HDAC9: variants seen among roughly 807,000 people sequenced by gnomAD.
HDAC9 encodes MEF-2 interacting transcription repressor (MITR) protein.
A neutral mutation model predicts 139.4 loss-of-function variants in HDAC9; 41 were observed. That is an observed-to-expected ratio of 0.29 (90% CI 0.23 to 0.38). The LOEUF is 0.38. Among genes scored for constraint, HDAC9 ranks in the 10% least tolerant of loss-of-function variants. HDAC9 has a pLI of 1.00. For missense variants in HDAC9, 1,147 were observed against 1,297.0 expected (o/e 0.88, Z 1.78); for synonymous variants, 517 against 476.2 (o/e 1.09, Z -1.12).
At chr7:18,092,585 C>T (rs1227793405) in intron 1 of HDAC9, among the ~76,000 whole-genome samples, 1 of 151,966 alleles carries the variant, frequency 6.6e-6, no homozygotes, top group Non-Finnish European at 1.5e-5. Flanking sequence ...AGAGGATTCT[C>T]CACATATAAT....
At chr7:18,894,459 C>G (rs73322104) in intron 22 of HDAC9, among the ~76,000 whole-genome samples, 3,051 of 152,116 alleles carry the variant, frequency 0.02, 106 homozygotes, top group African/African-American at 0.07. Flanking sequence ...ATCAAATGTC[C>G]TTAAAGGGTC....
chr7:18,705,305 T>A (rs1584880338), intron 12 of HDAC9, among the ~76,000 whole-genome samples: 1 of 152,156 alleles, frequency 6.6e-6, no homozygotes, highest in African/African-American at 2.4e-5. Context: ...TCCTCCTTAC[T>A]AAGTGCTAGT....
chr7:18,544,555 A>G (rs1205838390), intron 2 of HDAC9, among the ~76,000 whole-genome samples: 4 of 152,206 alleles, frequency 2.6e-5, no homozygotes, highest in African/African-American at 4.8e-5. Context: ...CATGCCTACC[A>G]GGGCTGTGAG....
chr7:18,319,248 AG>A (rs1423299463), intron 1 of HDAC9, among the ~76,000 whole-genome samples: 2 of 152,244 alleles, frequency 1.3e-5, no homozygotes, highest in Middle Eastern at 3.2e-3. Context: ...TTTGGGGTTC[AG>A]TAAAACTTTC....
chr7:18,791,002 T>G (rs2129177667), intron 16 of HDAC9, among the ~76,000 whole-genome samples: 1 of 152,282 alleles, frequency 6.6e-6, no homozygotes, highest in Non-Finnish European at 1.5e-5. Flanking sequence ...GACACCAAAA[T>G]TAATGTCACA....
At chr7:18,371,467 C>A (rs1311593851) in intron 1 of HDAC9, among the ~76,000 whole-genome samples, 1 of 152,126 alleles carries the variant, frequency 6.6e-6, no homozygotes, top group Non-Finnish European at 1.5e-5. Flanking sequence ...TTTTATCTCA[C>A]TGATTCTAAC....
At position 18,233,230 on chromosome 7, in the gene HDAC9, A is replaced by G. The variant is rs116493139; in HGVS notation, c.25+70881A>G. On this transcript the variant is annotated intron_variant, in intron 2 of 12. Transcript: ENST00000417496. ...ACAGTGTCTAATAATTTGAGATGAA[A>G]TTCTAATTATTTTAATGAGATTTTT... Among the ~76,000 whole-genome samples the G allele has an allele frequency of 6.4e-3, 981 of 152,182 alleles. 15 individuals carry two copies. Among genetic ancestry groups the G allele is most frequent in the African/African-American group, 0.023 (947 of 41,548 alleles).
chr7:18,275,237 C>T (rs1796640575), intron 2 of HDAC9, among the ~76,000 whole-genome samples: 1 of 152,212 alleles, frequency 6.6e-6, no homozygotes, highest in South Asian at 2.1e-4. Context: ...CTCCTCTTGT[C>T]TGTACCTTCA....
At chr7:18,442,411 AC>A (rs1265816579) in intron 1 of HDAC9, among the ~76,000 whole-genome samples, 1 of 152,196 alleles carries the variant, frequency 6.6e-6, no homozygotes, top group East Asian at 1.9e-4. Flanking sequence ...TTATTTCCCC[AC>A]CAGTTGCCGG....
chr7:18,890,826 A>C (rs1399318115), intron 22 of HDAC9, among the ~76,000 whole-genome samples: 1 of 152,230 alleles, frequency 6.6e-6, no homozygotes, highest in Non-Finnish European at 1.5e-5. Context: ...TATAAACTTT[A>C]AGCGAAAGTA....
At chr7:18,251,806 T>G (rs1437998079) in intron 2 of HDAC9, among the ~76,000 whole-genome samples, 2 of 152,142 alleles carry the variant, frequency 1.3e-5, no homozygotes, top group African/African-American at 4.8e-5. Flanking sequence ...AATGACATTT[T>G]TGTATATGCG....
At chr7:18,302,356 G>A (rs1334958302) in intron 1 of HDAC9, among the ~76,000 whole-genome samples, 1 of 152,182 alleles carries the variant, frequency 6.6e-6, no homozygotes, top group African/African-American at 2.4e-5. Context: ...ATGATGATAC[G>A]AAGTATGCAA....
upstream of HDAC9, among the ~76,000 whole-genome samples, chr7:18,491,182 A>G (rs763872287): frequency 6.6e-4 from 101 of 152,104 alleles, 2 homozygotes; most frequent in Middle Eastern, 6.8e-3. Flanking sequence ...ATCCCAAAAG[A>G]TGAAAATATA....
At chr7:18,546,611 C>T (rs1176297861) in intron 2 of HDAC9, among the ~76,000 whole-genome samples, 1 of 152,168 alleles carries the variant, frequency 6.6e-6, no homozygotes, top group Admixed American at 6.5e-5. Flanking sequence ...GAACTTATTA[C>T]CATTTTAAAA....
chr7:18,833,060 C>T (rs1209436935), intron 19 of HDAC9, among the ~76,000 whole-genome samples: 2 of 152,092 alleles, frequency 1.3e-5, no homozygotes, highest in East Asian at 1.9e-4. Flanking sequence ...ATTCTTAAGG[C>T]TATACTGTGA....
At chr7:18,645,163 A>G (rs1435884485) in intron 9 of HDAC9, among the ~76,000 whole-genome samples, 1 of 152,152 alleles carries the variant, frequency 6.6e-6, no homozygotes, top group Non-Finnish European at 1.5e-5. Flanking sequence ...AAAGCACAAG[A>G]TCACAGAGCC....
At chr7:18,706,850 G>T (rs1783966919) in intron 12 of HDAC9, among the ~76,000 whole-genome samples, 1 of 152,208 alleles carries the variant, frequency 6.6e-6, no homozygotes, top group African/African-American at 2.4e-5. Flanking sequence ...CAGCTTAATG[G>T]AAAGTGATGT....
At chr7:18,960,540 A>G (rs1184784357) in intron 24 of HDAC9, among the ~76,000 whole-genome samples, 2 of 152,100 alleles carry the variant, frequency 1.3e-5, no homozygotes, top group Non-Finnish European at 2.9e-5. Flanking sequence ...ACTTTTTATT[A>G]TATTTCCAAT....
intron 8 of HDAC9, among the ~76,000 whole-genome samples, chr7:18,643,889 C>G (rs549607292): frequency 6.6e-6 from 1 of 151,916 alleles, no homozygotes; most frequent in African/African-American, 2.4e-5. Flanking sequence ...CTTTGTAACT[C>G]TTATTGTATA....
Sources: gnomAD v4.1 joint callset for allele counts (sites outside exome capture counted in the v4.1 genomes callset) on GRCh38, gnomAD v4.1.1 for gene constraint, MANE v1.5 for transcripts, NCBI Gene and HGNC (gene_info 2026-07-23, HGNC 2026-07-21) for gene names.